Variants in PLXNA4 observed in about 807,000 individuals in gnomAD.
PLXNA4 encodes plexin-A4.
Under a neutral mutation model 191.8 loss-of-function variants are expected in PLXNA4, and 44 were observed. That is an observed-to-expected ratio of 0.23 (90% CI 0.18 to 0.29). PLXNA4 has a LOEUF of 0.29. Ranked by LOEUF, PLXNA4 falls within the 10% of genes least tolerant of loss-of-function variation. The pLI, the probability that PLXNA4 is intolerant of heterozygous loss-of-function variation, is 1.00. For synonymous variants in PLXNA4, 1,082 were observed against 1,009.5 expected, an observed-to-expected ratio of 1.07 and a Z score of -1.36; for missense variants, 1,800 against 2,488.8, an observed-to-expected ratio of 0.72 and a Z score of 5.89.
At chr7:132,189,024 GA>G (rs1796998538) in intron 14 of PLXNA4, among the ~76,000 whole-genome samples, 1 of 89,740 alleles carries the variant, frequency 1.1e-5, no homozygotes, top group Non-Finnish European at 2.2e-5. Flanking sequence ...GAGAGAGAGA[GA>G]GAGAAAGAGA....
intron 3 of PLXNA4, chr7:132,383,883 T>G (rs1267524278): frequency 1.0e-6 from 1 of 985,348 alleles, no homozygotes; most frequent in African/African-American, 1.7e-5. Flanking sequence ...CATGCTTCAA[T>G]GCACACAGAG....
chr7:132,439,296 G>A (rs1410989559), intron 3 of PLXNA4, among the ~76,000 whole-genome samples: 4 of 152,058 alleles, frequency 2.6e-5, no homozygotes, highest in Admixed American at 6.6e-5. Flanking sequence ...CATCCCTGGG[G>A]GTCTCTGAAA....
In PLXNA4 at chr7:132,132,469, TC is replaced by T. The variant is rs1563048367; in HGVS notation, c.5589+579del. 2.4e-4 allele frequency among the ~76,000 whole-genome samples: 10 copies of T among 41,430 alleles called. 1 individual carries two copies. The highest frequency in any genetic ancestry group is 9.8e-4 in the African/African-American group (10 of 10,186). 27.2% of individuals were successfully genotyped at this position (41,430 alleles called of 152,430 possible). A position where few individuals can be genotyped will look rare whatever the true frequency, so the allele number is the denominator to read the frequency against. Reference sequence around the variant, plus strand: ...TCTGTTCTGTTCTGTTCTGTTCTGCTCTGCTCTGCTCTGCTCTGCTCTATTC... The same window carrying T: ...TCTGTTCTGTTCTGTTCTGTTCTGCTTGCTCTGCTCTGCTCTGCTCTATTC... On this transcript the variant is annotated intron_variant, in intron 31 of 31. Transcript: ENST00000321063.
intron 2 of PLXNA4, among the ~76,000 whole-genome samples, chr7:132,631,393 G>A (rs1317123044): frequency 1.3e-5 from 2 of 152,272 alleles, no homozygotes; most frequent in African/African-American, 4.8e-5. Flanking sequence ...GCTTCTAGAA[G>A]ATAATATACT....
At position 132,324,461 on chromosome 7, in the gene PLXNA4, C is replaced by T. The variant is rs138873154; in HGVS notation, c.1372-26239G>A. 2.2e-3 allele frequency among the ~76,000 whole-genome samples: 328 copies of T among 152,272 alleles called. 1 individual carries two copies. Among genetic ancestry groups the T allele is most frequent in the African/African-American group, 7.8e-3 (324 of 41,532 alleles). On this transcript the variant is annotated intron_variant, in intron 3 of 31. Transcript: ENST00000321063. ...AACAAATTTTGAGCTTGTAATACAGCTTCATTAATATGTTTAATTTATCGT... is the reference window on the plus strand; with the variant it reads ...AACAAATTTTGAGCTTGTAATACAGTTTCATTAATATGTTTAATTTATCGT...
rs59890004 is a variant in PLXNA4, at chr7:132,353,447, C to CATATAT, written c.1372-55231_1372-55226dup. Among the ~76,000 whole-genome samples, 131 of 149,634 alleles carry CATATAT rather than the reference C, an allele frequency of 8.8e-4. 1 individual carries two copies. The highest frequency in any genetic ancestry group is 3.0e-3 in the African/African-American group (122 of 40,974). ...GGTTTGTGTACTCGGTTCTATGCAA[C>CATATAT]ATATATATATATATATGTTGGAAAA... On this transcript the variant is annotated intron_variant, in intron 3 of 31. Coordinates refer to ENST00000321063, the MANE Select transcript of PLXNA4 (RefSeq NM_020911.2).
At chr7:132,512,267 AC>A (rs1317367028) in intron 1 of PLXNA4, among the ~76,000 whole-genome samples, 49 of 152,280 alleles carry the variant, frequency 3.2e-4, no homozygotes, top group African/African-American at 1.1e-3. Flanking sequence ...CTACCCCACG[AC>A]CTGCCTTACT....
chr7:132,587,348 T>A (rs1802521534), intron 2 of PLXNA4, among the ~76,000 whole-genome samples: 1 of 152,240 alleles, frequency 6.6e-6, no homozygotes, highest in African/African-American at 2.4e-5. Flanking sequence ...GAACTTATCT[T>A]ATTTAGACAT....
intron 1 of PLXNA4, among the ~76,000 whole-genome samples, chr7:132,564,780 A>C (rs1801639069): frequency 6.6e-6 from 1 of 152,198 alleles, no homozygotes; most frequent in Admixed American, 6.5e-5. Flanking sequence ...GCATCGAGGA[A>C]TCTTACGAAT....
intron 3 of PLXNA4, among the ~76,000 whole-genome samples, chr7:132,428,266 C>G (rs1795126766): frequency 1.3e-5 from 2 of 152,202 alleles, no homozygotes; most frequent in African/African-American, 4.8e-5. Flanking sequence ...TCCCAAAGAT[C>G]TCATAGCAGG....
Position 132,576,429 on chromosome 7 carries a change from C to G in PLXNA4, c.-94G>C, listed in dbSNP as rs891784714. ...GGCGGGCCGGCTCCTTACCTGGACG[C>G]GCCGCGTTTCCCTCCTTCAGCGGGA... On this transcript the variant is annotated 5_prime_UTR_variant, in exon 1 of 32. Coordinates refer to ENST00000321063, the MANE Select transcript of PLXNA4 (RefSeq NM_020911.2). This position sits in a 1 kb window ranked among gnomAD's most constrained non-coding sequence, Gnocchi z 5.8. 2.0e-6 allele frequency: 2 copies of G among 985,738 alleles called. No homozygotes were observed. The highest frequency in any genetic ancestry group is 6.1e-5 in the Admixed American group (1 of 16,266). 61.1% of individuals were successfully genotyped at this position (985,738 alleles called of 1,614,324 possible).
At chr7:132,226,483 T>C (rs1798327558) in intron 7 of PLXNA4, among the ~76,000 whole-genome samples, 1 of 152,238 alleles carries the variant, frequency 6.6e-6, no homozygotes, top group South Asian at 2.1e-4. Context: ...CACTCTTCCA[T>C]GTGTACACAC....
At chr7:132,485,134 C>T in intron 3 of PLXNA4, 1 of 1,399,404 alleles carries the variant, frequency 7.1e-7, no homozygotes, top group East Asian at 2.5e-5. Context: ...CTCCTATTGC[C>T]TCTTCATGGG....
At chr7:132,336,345 C>T (rs1324302202) in intron 3 of PLXNA4, among the ~76,000 whole-genome samples, 1 of 152,196 alleles carries the variant, frequency 6.6e-6, no homozygotes, top group East Asian at 1.9e-4. Flanking sequence ...ATCCAGGCAA[C>T]ACACATCTTT....
intron 3 of PLXNA4, among the ~76,000 whole-genome samples, chr7:132,426,381 T>C (rs914501093): frequency 6.6e-6 from 1 of 152,176 alleles, no homozygotes; most frequent in Non-Finnish European, 1.5e-5. Context: ...TATAGATGTA[T>C]TGTCTCCACC....
At chr7:132,314,041 C>A (rs1801850130) in intron 3 of PLXNA4, among the ~76,000 whole-genome samples, 1 of 152,088 alleles carries the variant, frequency 6.6e-6, no homozygotes, top group South Asian at 2.1e-4. Flanking sequence ...GAAATAGGCT[C>A]CATGCATGAC....
intron 1 of PLXNA4, among the ~76,000 whole-genome samples, chr7:132,544,494 G>A (rs1242782106): frequency 6.6e-6 from 1 of 152,222 alleles, no homozygotes. Flanking sequence ...TACAAGCCAG[G>A]AAGTTCCATA....
chr7:132,510,447 C>T (rs1471388213), intron 1 of PLXNA4, among the ~76,000 whole-genome samples: 1 of 133,416 alleles, frequency 7.5e-6, no homozygotes, highest in African/African-American at 2.5e-5. Flanking sequence ...AGCCAAGGGC[C>T]TTCATTCATT....
intron 2 of PLXNA4, among the ~76,000 whole-genome samples, chr7:132,591,938 C>T (rs1391845595): frequency 6.6e-6 from 1 of 152,172 alleles, no homozygotes; most frequent in African/African-American, 2.4e-5. Flanking sequence ...TACCACAACC[C>T]CCAGCATCTT....
Sources: gnomAD v4.1 joint callset for allele counts (sites outside exome capture counted in the v4.1 genomes callset) on GRCh38, gnomAD v4.1.1 for gene constraint, Gnocchi (gnomAD v3.1) non-coding constraint, MANE v1.5 for transcripts, NCBI Gene and HGNC (gene_info 2026-07-23, HGNC 2026-07-21) for gene names.